Variants in TRPC4 observed in about 807,000 individuals in gnomAD.
TRPC4 encodes short transient receptor potential channel 4.
In TRPC4, 49 loss-of-function variants were observed where a neutral mutation model predicts 99.4. The ratio of observed to expected loss-of-function variants is 0.49; its 90% confidence interval spans 0.39 to 0.63. The LOEUF (loss-of-function observed/expected upper bound fraction) is 0.63. Ranked by LOEUF, TRPC4 falls within the 20% of genes least tolerant of loss-of-function variation. TRPC4 has a pLI of 0.00. For synonymous variants in TRPC4, 454 were observed against 425.9 expected (o/e 1.07, Z -0.81); for missense variants, 898 against 1,152.9 (o/e 0.78, Z 3.20).
Position 37,745,948 on chromosome 13 carries a change from G to C in TRPC4, c.886C>G (p.Arg296Gly). Residue 296 changes from arginine (R) to glycine (G), a missense_variant, in exon 3 of 11, where the codon CGT (arginine) becomes GGT (glycine). Coordinates refer to ENST00000379705, the MANE Select transcript of TRPC4 (RefSeq NM_016179.4). The stretch of plus-strand genomic sequence containing the variant: ...CTGGCAACACTCACCTCTTTTTGAC[G>C]GTACTTAATGGCCAATTTTAGTCTT... ...LARLKLAIKY[R>G]QKEFVAQPNC... 1 of 1,610,830 alleles carries C rather than the reference G, an allele frequency of 6.2e-7. No homozygotes were observed. Among genetic ancestry groups the C allele is most frequent in the Non-Finnish European group, 8.5e-7 (1 of 1,178,034 alleles).
intron 1 of TRPC4, among the ~76,000 whole-genome samples, chr13:37,841,227 G>A (rs1958722196): frequency 6.6e-6 from 1 of 152,024 alleles, no homozygotes; most frequent in South Asian, 2.1e-4. Flanking sequence ...AATAAGAATA[G>A]TCTAGGGATA....
intron 1 of TRPC4, among the ~76,000 whole-genome samples, chr13:37,846,029 G>A (rs1312216244): frequency 6.6e-6 from 1 of 152,226 alleles, no homozygotes; most frequent in Middle Eastern, 3.4e-3. Flanking sequence ...TATTAATAGT[G>A]CTGAAGGAAT....
chr13:37,718,961 C>T (rs1219672788), intron 3 of TRPC4, among the ~76,000 whole-genome samples: 1 of 151,860 alleles, frequency 6.6e-6, no homozygotes, highest in Non-Finnish European at 1.5e-5. Context: ...ATGAAGAAAA[C>T]TATGCCACAA....
In TRPC4 at chr13:37,655,165, T is replaced by C. The variant is rs1229580163; in HGVS notation, c.1807A>G (p.Thr603Ala). Residue 603 changes from threonine (T) to alanine (A), a missense_variant, in exon 7 of 11, where the codon ACA (threonine) becomes GCA (alanine). Coordinates refer to ENST00000379705, the MANE Select transcript of TRPC4 (RefSeq NM_016179.4). ...ACAACCAGAGAGATGACATTGTATG[T>C]CCCAAACATGGTGGCACCAACAAAC... ...TEFVGATMFG[T>A]YNVISLVVLL... 1 of 1,608,006 alleles carries C rather than the reference T, an allele frequency of 6.2e-7. No homozygotes were observed. The highest frequency in any genetic ancestry group is 8.5e-7 in the Non-Finnish European group (1 of 1,176,490).
chr13:37,770,398 A>T (rs935596502), intron 2 of TRPC4, among the ~76,000 whole-genome samples: 1 of 151,582 alleles, frequency 6.6e-6, no homozygotes, highest in Admixed American at 6.6e-5. Flanking sequence ...AAGGTTAGAC[A>T]TTGATTCTGC....
chr13:37,820,472 G>A (rs575689710), intron 1 of TRPC4, among the ~76,000 whole-genome samples: 11 of 151,918 alleles, frequency 7.2e-5, no homozygotes, highest in East Asian at 3.9e-4. Flanking sequence ...CAAACCTTAC[G>A]GAGACACAAC....
intron 1 of TRPC4, among the ~76,000 whole-genome samples, chr13:37,795,258 A>C (rs549290849): frequency 5.3e-5 from 8 of 152,286 alleles, no homozygotes; most frequent in Non-Finnish European, 1.2e-4. Context: ...ATGATTTTGC[A>C]GGCTGAGGAT....
chr13:37,696,029 G>A (rs181666825), intron 3 of TRPC4, among the ~76,000 whole-genome samples: 1 of 152,184 alleles, frequency 6.6e-6, no homozygotes, highest in Non-Finnish European at 1.5e-5. Flanking sequence ...CCGAAACTGG[G>A]CACTTTACAG....
chr13:37,699,082 C>A (rs1034364098), intron 3 of TRPC4, among the ~76,000 whole-genome samples: 16 of 152,056 alleles, frequency 1.1e-4, no homozygotes, highest in African/African-American at 3.9e-4. Flanking sequence ...CTGCTGCTTC[C>A]TGATTGTGTG....
In TRPC4 at chr13:37,673,495, A is replaced by C. The variant is rs140157594; in HGVS notation, c.1374+733T>G. Among the ~76,000 whole-genome samples, 472 of 151,826 alleles carry C rather than the reference A, an allele frequency of 3.1e-3. 4 individuals are homozygous for C. Among genetic ancestry groups the C allele is most frequent in the African/African-American group, 0.011 (461 of 41,392 alleles). The stretch of plus-strand genomic sequence containing the variant: ...ATTTTTTTTTTTTTACCAATTAACT[A>C]GTTATTTTGAAACTTTTATTTTTTT... On this transcript the variant is annotated intron_variant, in intron 5 of 10. Coordinates refer to ENST00000379705, the MANE Select transcript of TRPC4 (RefSeq NM_016179.4).
chr13:37,741,556 T>C (rs1290956165), intron 3 of TRPC4, among the ~76,000 whole-genome samples: 1 of 152,166 alleles, frequency 6.6e-6, no homozygotes, highest in Non-Finnish European at 1.5e-5. Flanking sequence ...AGAATGGTAC[T>C]TGAAAGATTA....
intron 1 of TRPC4, among the ~76,000 whole-genome samples, chr13:37,828,067 A>C (rs183637250): frequency 0.013 from 1,972 of 152,268 alleles, 39 homozygotes; most frequent in African/African-American, 0.045. Context: ...TTCTTTGACT[A>C]GGAAAGGGAA....
chr13:37,837,911 C>T lies in TRPC4; in HGVS notation c.-28+31684G>A, dbSNP rs142782227. Among the ~76,000 whole-genome samples, 36 of 152,156 alleles carry T rather than the reference C, an allele frequency of 2.4e-4. 1 individual carries two copies. In the East Asian group the frequency reaches 7.0e-3, roughly 30 times the overall value. On this transcript the variant is annotated intron_variant, in intron 1 of 10. Coordinates refer to ENST00000379705, the MANE Select transcript of TRPC4 (RefSeq NM_016179.4). ...GTGGGAGATAATTGAATCATGGGGG[C>T]AAATTTTTCCCATGCTATTCTTGTG...
At chr13:37,760,479 A>G (rs987002653) in intron 2 of TRPC4, among the ~76,000 whole-genome samples, 2 of 151,974 alleles carry the variant, frequency 1.3e-5, no homozygotes, top group African/African-American at 4.8e-5. Context: ...CTACAAGTCA[A>G]GAGGAACCCA....
At chr13:37,841,711 T>A (rs1458864866) in intron 1 of TRPC4, among the ~76,000 whole-genome samples, 5 of 151,962 alleles carry the variant, frequency 3.3e-5, no homozygotes, top group Non-Finnish European at 7.4e-5. Flanking sequence ...ACTATAAAAA[T>A]GGCTAAAATA....
chr13:37,639,259 T>C lies in TRPC4; in HGVS notation c.2120A>G (p.Gln707Arg), dbSNP rs145822753. The C allele has an allele frequency of 1.2e-6, 2 of 1,613,576 alleles. No individual in the cohort carries two copies. Among genetic ancestry groups the C allele is most frequent in the African/African-American group, 1.3e-5 (1 of 74,896 alleles). The change falls in exon 9 of 11, where the codon CAA becomes CGA. Residue 707 changes from glutamine (Q) to arginine (R), a missense_variant and splice_region_variant. Physicochemically the swap from Gln to Arg is conservative, Grantham distance 43. This residue lies in a region of TRPC4 where 346 missense variants were observed against 351.4 expected (regional missense o/e 0.98). Coordinates refer to ENST00000379705, the MANE Select transcript of TRPC4 (RefSeq NM_016179.4). Reference sequence around the variant, plus strand: ...AGACATAGTACAAGGACAACTTACTTGGTATTGGTGATGTCTTCTCAAGTT... The same window carrying C: ...AGACATAGTACAAGGACAACTTACTCGGTATTGGTGATGTCTTCTCAAGTT... ...ADNLRRHHQY[Q>R]EVMRNLVKRY...
rs368078086 is a variant in TRPC4, at chr13:37,743,904, C to T, written c.897+2033G>A. On this transcript the variant is annotated intron_variant, in intron 3 of 10. Coordinates refer to ENST00000379705, the MANE Select transcript of TRPC4 (RefSeq NM_016179.4). Reference sequence around the variant, plus strand: ...CAAAAGTTATTGTGGCCAAAGATGACGTTAAATCAGCTTCAATGCCATGAC... The same window carrying T: ...CAAAAGTTATTGTGGCCAAAGATGATGTTAAATCAGCTTCAATGCCATGAC... Among the ~76,000 whole-genome samples the T allele has an allele frequency of 8.6e-4, 131 of 152,088 alleles. 1 individual carries two copies. Among genetic ancestry groups the T allele is most frequent in the African/African-American group, 2.7e-3 (111 of 41,502 alleles).
At position 37,828,128 on chromosome 13, in the gene TRPC4, G is replaced by A. The variant is rs148453722; in HGVS notation, c.-28+41467C>T. Among the ~76,000 whole-genome samples the A allele has an allele frequency of 4.8e-3, 735 of 152,258 alleles. 5 individuals carry two copies. The highest frequency in any genetic ancestry group is 0.016 in the African/African-American group (678 of 41,546). Reference sequence around the variant, plus strand: ...GTGAGGCAATGCCTCGCCCTGCTTCGGCTGGCGCATGGTGCGAGCACCCAC... The same window carrying A: ...GTGAGGCAATGCCTCGCCCTGCTTCAGCTGGCGCATGGTGCGAGCACCCAC... On this transcript the variant is annotated intron_variant, in intron 1 of 10. Coordinates refer to ENST00000379705, the MANE Select transcript of TRPC4 (RefSeq NM_016179.4).
intron 4 of TRPC4, among the ~76,000 whole-genome samples, chr13:37,680,879 T>C (rs965194691): frequency 1.3e-5 from 2 of 152,226 alleles, no homozygotes; most frequent in Admixed American, 6.5e-5. Context: ...GTATGTATCA[T>C]GAAATAAAAT....
Sources: allele counts gnomAD v4.1 joint callset (sites outside exome capture counted in the v4.1 genomes callset), GRCh38; gene constraint gnomAD v4.1.1; regional missense constraint gnomAD v4.1.1; transcripts MANE v1.5; gene names NCBI Gene and HGNC (gene_info 2026-07-23, HGNC 2026-07-21).